The following ZNF18 variants were observed in gnomAD, a reference collection of about 807,000 sequenced individuals.
ZNF18 encodes zinc finger protein 18.
Under a neutral mutation model 58.1 loss-of-function variants are expected in ZNF18, and 42 were observed. That is an observed-to-expected ratio of 0.72 (90% CI 0.56 to 0.93). ZNF18 has a LOEUF of 0.93. Among genes scored for constraint, ZNF18 ranks in the 40% least tolerant of loss-of-function variants. ZNF18 has a pLI of 0.00. For missense variants in ZNF18, 540 were observed against 644.2 expected, an observed-to-expected ratio of 0.84 and a Z score of 1.75; for synonymous variants, 231 against 239.8, an observed-to-expected ratio of 0.96 and a Z score of 0.34.
At position 11,992,674 on chromosome 17, in the gene ZNF18, C is replaced by A. The variant is rs767141001; in HGVS notation, c.156G>T (p.Met52Ile). 1 of 1,614,146 alleles carries A rather than the reference C, an allele frequency of 6.2e-7. No individual in the cohort carries two copies. Among genetic ancestry groups the A allele is most frequent in the East Asian group, 2.2e-5 (1 of 44,902 alleles). ...GCTTCAAGGTCTCATGAGGCCCAGA[C>A]ATCACCTGGTAACGGAACTGCCTGA... The part of the protein sequence containing the change: ...QLFRQFRYQV[M>I]SGPHETLKQL... Residue 52 changes from methionine to isoleucine, a missense_variant, in exon 2 of 7, where the codon ATG becomes ATT. By Grantham distance (10) the Met-to-Ile change is conservative. Transcript: ENST00000580306.
At chr17:11,984,626 G>A (rs1423099708) in intron 4 of ZNF18, among the ~76,000 whole-genome samples, 2 of 151,660 alleles carry the variant, frequency 1.3e-5, no homozygotes, top group Non-Finnish European at 2.9e-5. Flanking sequence ...CGATTCTCCT[G>A]CCTCAGCTTC....
the ZNF18 span, among the ~76,000 whole-genome samples, chr17:12,003,700 G>C: frequency 6.6e-6 from 1 of 152,198 alleles, no homozygotes; most frequent in African/African-American, 2.4e-5. Context: ...CAGTATGCAA[G>C]TGTTTGTAGG....
chr17:12,019,230 C>G, the ZNF18 span, among the ~76,000 whole-genome samples: 9 of 151,736 alleles, frequency 5.9e-5, no homozygotes, highest in Non-Finnish European at 1.0e-4. Context: ...TCCCAAAGTG[C>G]TGGGATTACA....
At chr17:11,983,679 T>C (rs114865881) in intron 5 of ZNF18, among the ~76,000 whole-genome samples, 1,639 of 152,182 alleles carry the variant, frequency 0.011, 33 homozygotes, top group African/African-American at 0.038. Context: ...AGAATCATGA[T>C]GGGGATCCCA....
the ZNF18 span, among the ~76,000 whole-genome samples, chr17:12,003,574 T>C: frequency 1.3e-5 from 2 of 152,056 alleles, no homozygotes; most frequent in African/African-American, 4.8e-5. Context: ...AAAGTATATA[T>C]GGTGGATAAA....
the ZNF18 span, chr17:12,021,262 C>A: frequency 4.0e-6 from 1 of 251,458 alleles, no homozygotes; most frequent in Non-Finnish European, 7.5e-6. Context: ...TCAGCAGGCC[C>A]GCAGGGCCCA....
At chr17:12,004,788 G>A in the ZNF18 span, among the ~76,000 whole-genome samples, 1 of 150,938 alleles carries the variant, frequency 6.6e-6, no homozygotes, top group South Asian at 2.1e-4. Flanking sequence ...TTGGGAGGCT[G>A]AGGCAGGAGA....
chr17:11,987,862 C>T (rs576570471), intron 4 of ZNF18, among the ~76,000 whole-genome samples: 1 of 152,256 alleles, frequency 6.6e-6, no homozygotes. Context: ...CACCTTCCCC[C>T]AGAGTAAACT....
the ZNF18 span, chr17:12,011,238 TG>T: frequency 2.1e-6 from 1 of 476,896 alleles, no homozygotes. Flanking sequence ...GGTGAATTAC[TG>T]GAAGATGGCG....
the ZNF18 span, among the ~76,000 whole-genome samples, chr17:12,007,963 A>C: frequency 6.6e-6 from 1 of 152,120 alleles, no homozygotes; most frequent in African/African-American, 2.4e-5. Context: ...AAAATCCATA[A>C]TGTGGTGGTG....
chr17:11,985,664 T>TCCCAA (rs1967689893), intron 4 of ZNF18, among the ~76,000 whole-genome samples: 1 of 152,190 alleles, frequency 6.6e-6, no homozygotes, highest in Non-Finnish European at 1.5e-5. Context: ...TCCTCTCCAT[T>TCCCAA]GTATAATACC....
At chr17:12,012,149 A>AT in the ZNF18 span, among the ~76,000 whole-genome samples, 2 of 152,200 alleles carry the variant, frequency 1.3e-5, no homozygotes, top group Non-Finnish European at 2.9e-5. Context: ...AATTTTCATT[A>AT]TTTTCAGTAT....
chr17:12,012,669 G>A, the ZNF18 span, among the ~76,000 whole-genome samples: 1 of 152,062 alleles, frequency 6.6e-6, no homozygotes, highest in Non-Finnish European at 1.5e-5. Context: ...ATATCTCAAT[G>A]TGGTTTTAAT....
At chr17:12,002,699 T>C in the ZNF18 span, among the ~76,000 whole-genome samples, 1 of 152,158 alleles carries the variant, frequency 6.6e-6, no homozygotes, top group Non-Finnish European at 1.5e-5. Context: ...TGTATAAGGT[T>C]TGGGCAAACT....
chr17:11,985,543 CATTT>C (rs150719819), intron 4 of ZNF18, among the ~76,000 whole-genome samples: 3,164 of 152,142 alleles, frequency 0.021, 52 homozygotes, highest in South Asian at 0.072. Flanking sequence ...AGTATTTATC[CATTT>C]ATTAACTATT....
Position 11,977,814 on chromosome 17 carries a change from A to G in ZNF18, c.*143T>C. The G allele has an allele frequency of 1.0e-6, 1 of 978,518 alleles. No individual in the cohort carries two copies. Among genetic ancestry groups the G allele is most frequent in the South Asian group, 1.8e-5 (1 of 54,886 alleles). 60.6% of individuals were successfully genotyped at this position (978,518 alleles called of 1,614,324 possible). ...CAAGATATCCTCCAAGTCCAAAGCC[A>G]TGTCCAGATTCTCTCCTCTCCAATC... On this transcript the variant is annotated 3_prime_UTR_variant, in exon 7 of 7. Transcript: ENST00000580306.
chr17:11,984,807 G>A (rs1432886042), intron 4 of ZNF18, among the ~76,000 whole-genome samples: 1 of 151,988 alleles, frequency 6.6e-6, no homozygotes. Context: ...TTGCCTGGCC[G>A]GTACTATTTG....
the ZNF18 span, among the ~76,000 whole-genome samples, chr17:12,005,417 T>A: frequency 6.6e-6 from 1 of 152,284 alleles, no homozygotes; most frequent in South Asian, 2.1e-4. Context: ...AAATGTAATG[T>A]CTCTTCCAAT....
chr17:11,985,519 C>A (rs1967677782), intron 4 of ZNF18, among the ~76,000 whole-genome samples: 1 of 152,102 alleles, frequency 6.6e-6, no homozygotes. Context: ...GCACACTGTA[C>A]TTTTTTTATT....
Sources: gnomAD v4.1 joint callset for allele counts (sites outside exome capture counted in the v4.1 genomes callset) on GRCh38, gnomAD v4.1.1 for gene constraint, MANE v1.5 for transcripts, NCBI Gene and HGNC (gene_info 2026-07-23, HGNC 2026-07-21) for gene names.